Variants in STPG2 observed in about 807,000 individuals in gnomAD.
STPG2 encodes the protein sperm-tail PG-rich repeat-containing protein 2.
Under a neutral mutation model 54.2 loss-of-function variants are expected in STPG2, and 56 were observed. The observed-to-expected ratio is 1.03, with a 90% CI of 0.83 to 1.29. The LOEUF (loss-of-function observed/expected upper bound fraction) is 1.29, where lower values mean the gene tolerates loss of function less well. STPG2 is among the 50% of genes most tolerant of loss of function. STPG2 has a pLI of 0.00. For missense variants in STPG2, 596 were observed against 544.9 expected (o/e 1.09, Z -0.93); for synonymous variants, 200 against 181.8 (o/e 1.10, Z -0.81).
intron 8 of STPG2, among the ~76,000 whole-genome samples, chr4:97,896,517 T>G (rs1730958670): frequency 1.3e-5 from 2 of 151,638 alleles, no homozygotes; most frequent in Admixed American, 6.6e-5. Flanking sequence ...TTTAAAAAAT[T>G]AAACCTGTGA....
At chr4:97,599,199 A>G (rs1026489499) in intron 10 of STPG2, among the ~76,000 whole-genome samples, 1 of 152,190 alleles carries the variant, frequency 6.6e-6, no homozygotes, top group African/African-American at 2.4e-5. Flanking sequence ...CTAAACCACC[A>G]TCTCACACCA....
chr4:97,972,537 A>G (rs1027253160), intron 6 of STPG2, 97 bp from the exon 7 acceptor site: 28 of 692,742 alleles, frequency 4.0e-5, no homozygotes, highest in Non-Finnish European at 5.8e-5. Flanking sequence ...TTTCTAAATA[A>G]AAAACCCTCA....
intron 9 of STPG2, among the ~76,000 whole-genome samples, chr4:97,726,190 C>T (rs1160091972): frequency 1.3e-5 from 2 of 151,726 alleles, no homozygotes; most frequent in Non-Finnish European, 2.9e-5. Flanking sequence ...AGAATCAACT[C>T]AAGAAAAAAG....
intron 9 of STPG2, among the ~76,000 whole-genome samples, chr4:97,786,326 A>C (rs925748779): frequency 7.3e-5 from 11 of 151,552 alleles, no homozygotes; most frequent in African/African-American, 9.7e-5. Context: ...TACTTTCTTA[A>C]TTTTTTTCAG....
chr4:98,030,672 G>C (rs188640378), intron 5 of STPG2, among the ~76,000 whole-genome samples: 75 of 152,154 alleles, frequency 4.9e-4, no homozygotes, highest in Middle Eastern at 6.8e-3. Context: ...CATGATACTG[G>C]TACAAAAAAA....
intron 5 of STPG2, among the ~76,000 whole-genome samples, chr4:98,022,932 A>C (rs1736273980): frequency 6.6e-6 from 1 of 151,950 alleles, no homozygotes; most frequent in Non-Finnish European, 1.5e-5. Flanking sequence ...ATTTTTTTCC[A>C]AGTTTTTAAC....
intron 4 of STPG2, among the ~76,000 whole-genome samples, chr4:97,535,407 A>C (rs1731505937): frequency 6.6e-6 from 1 of 152,198 alleles, no homozygotes; most frequent in Non-Finnish European, 1.5e-5. Flanking sequence ...ACTTCAGTTT[A>C]AAGAACTTCA....
chr4:97,906,267 A>T (rs1731413782), intron 8 of STPG2, among the ~76,000 whole-genome samples: 1 of 152,266 alleles, frequency 6.6e-6, no homozygotes, highest in East Asian at 1.9e-4. Context: ...AAAATCTAGA[A>T]GAAATGGATA....
chr4:98,123,112 AGTCT>A (rs1739728132), intron 3 of STPG2, among the ~76,000 whole-genome samples: 2 of 151,858 alleles, frequency 1.3e-5, no homozygotes, highest in Non-Finnish European at 2.9e-5. Context: ...TCTAGTTATC[AGTCT>A]ATCTATTTTA....
At chr4:97,910,322 A>G (rs1415461611) in intron 8 of STPG2, among the ~76,000 whole-genome samples, 2 of 152,362 alleles carry the variant, frequency 1.3e-5, no homozygotes, top group Non-Finnish European at 2.9e-5. Context: ...TAGATTATGG[A>G]AAGGTCGGGG....
intron 10 of STPG2, among the ~76,000 whole-genome samples, chr4:97,674,713 C>T (rs1014997130): frequency 6.6e-6 from 1 of 152,108 alleles, no homozygotes; most frequent in Non-Finnish European, 1.5e-5. Context: ...GACATTATTG[C>T]CAGTTTTAAA....
intron 5 of STPG2, among the ~76,000 whole-genome samples, chr4:98,043,071 A>G (rs902481088): frequency 2.0e-5 from 3 of 152,072 alleles, no homozygotes; most frequent in African/African-American, 7.2e-5. Flanking sequence ...TGACCCTTTC[A>G]TCATTGTGAA....
intron 4 of STPG2, among the ~76,000 whole-genome samples, chr4:97,460,435 T>TA (rs1729634578): frequency 6.6e-6 from 1 of 152,018 alleles, no homozygotes; most frequent in Non-Finnish European, 1.5e-5. Flanking sequence ...CTTTTTTTTT[T>TA]ATTTTTATTT....
chr4:97,781,340 C>T (rs575904773), intron 9 of STPG2, among the ~76,000 whole-genome samples: 4 of 151,922 alleles, frequency 2.6e-5, no homozygotes, highest in East Asian at 1.9e-4. Context: ...GAAGAAATGG[C>T]TAAATTCCTG....
At chr4:97,544,010 A>C (rs190991812) in intron 4 of STPG2, among the ~76,000 whole-genome samples, 1 of 152,242 alleles carries the variant, frequency 6.6e-6, no homozygotes, top group Admixed American at 6.5e-5. Flanking sequence ...TCATAATAGA[A>C]TGTGGTTCAA....
chr4:97,571,060 T>C (rs1376387399), intron 10 of STPG2, among the ~76,000 whole-genome samples: 2 of 152,212 alleles, frequency 1.3e-5, no homozygotes, highest in African/African-American at 4.8e-5. Context: ...GGTTAAAACA[T>C]TTAATATAAT....
chr4:97,835,966 G>A (rs1337014114), intron 9 of STPG2, among the ~76,000 whole-genome samples: 5 of 152,058 alleles, frequency 3.3e-5, no homozygotes, highest in Admixed American at 3.3e-4. Context: ...AAAGGATGAG[G>A]AGTTGATTCT....
intron 5 of STPG2, among the ~76,000 whole-genome samples, chr4:98,011,362 GA>G (rs1362542557): frequency 2.0e-5 from 3 of 152,020 alleles, no homozygotes; most frequent in African/African-American, 7.3e-5. Flanking sequence ...GTCTATAATT[GA>G]TTGGCATTTG....
At chr4:97,870,813 A>C (rs1729955408) in intron 8 of STPG2, among the ~76,000 whole-genome samples, 1 of 151,232 alleles carries the variant, frequency 6.6e-6, no homozygotes, top group Admixed American at 6.6e-5. Context: ...AATAACGTAA[A>C]TCTTAAGGAT....
Sources: allele counts gnomAD v4.1 joint callset (sites outside exome capture counted in the v4.1 genomes callset), GRCh38; gene constraint gnomAD v4.1.1; transcripts MANE v1.5; gene names NCBI Gene and HGNC (gene_info 2026-07-23, HGNC 2026-07-21).